The following ABCB9 variants were observed in gnomAD, a reference collection of about 807,000 sequenced individuals.
ABCB9 encodes ABC-type oligopeptide transporter ABCB9.
Under a neutral mutation model 62.0 loss-of-function variants are expected in ABCB9, and 36 were observed. The ratio of observed to expected loss-of-function variants is 0.58; its 90% confidence interval spans 0.45 to 0.77. The LOEUF (loss-of-function observed/expected upper bound fraction) is 0.77, where lower values mean the gene tolerates loss of function less well. Among genes scored for constraint, ABCB9 ranks in the 30% least tolerant of loss-of-function variants. The pLI, the probability that ABCB9 is intolerant of heterozygous loss-of-function variation, is 0.00. For synonymous variants in ABCB9, 435 were observed against 461.4 expected (o/e 0.94, Z 0.73); for missense variants, 943 against 1,054.7 (o/e 0.89, Z 1.47).
intron 11 of ABCB9, among the ~76,000 whole-genome samples, chr12:122,922,421 C>G (rs183180383): frequency 1.4e-4 from 21 of 152,190 alleles, no homozygotes; most frequent in Non-Finnish European, 2.5e-4. Flanking sequence ...ACTCTGTTGC[C>G]CAGGCTGGAG....
chr12:122,944,343 C>T lies in ABCB9; in HGVS notation c.1380+48G>A. The T allele has an allele frequency of 2.5e-6, 4 of 1,572,600 alleles. No homozygotes were observed. Among genetic ancestry groups the T allele is most frequent in the Non-Finnish European group, 2.6e-6 (3 of 1,153,706 alleles). On this transcript the variant is annotated intron_variant, in intron 7 of 11. Coordinates refer to ENST00000280560, the MANE Select transcript of ABCB9 (RefSeq NM_019625.4). The surrounding 1 kb of genome is among the most constrained non-coding windows in gnomAD (Gnocchi z 4.9). ...CCCACCCTGTTAAGATCCCTCTTCC[C>T]CAAACTCCTCCCTTCTCTCTGGATC...
Position 122,944,556 on chromosome 12 carries a change from C to A in ABCB9, c.1252-37G>T, listed in dbSNP as rs1447156642. On this transcript the variant is annotated intron_variant, in intron 6 of 11. Transcript: ENST00000280560. The surrounding 1 kb of genome is among the most constrained non-coding windows in gnomAD (Gnocchi z 4.9). ...GGAGAGGGGATGTGGGTCGAGGGGA[C>A]CTTAGATCCCCCACCATCCCCATTC... is the stretch of plus-strand genomic sequence containing the variant. 1.2e-6 allele frequency: 2 copies of A among 1,607,212 alleles called. No individual in the cohort carries two copies. The highest frequency in any genetic ancestry group is 1.7e-6 in the Non-Finnish European group (2 of 1,176,200).
chr12:122,974,950 T>C, exon 1 of ABCB9: 1 of 268,358 alleles, frequency 3.7e-6, no homozygotes, highest in Non-Finnish European at 7.1e-6. Context: ...GCCTTGGGGC[T>C]CCGAGTCCCT....
At chr12:122,965,165 G>A (rs1261001243) in intron 1 of ABCB9, among the ~76,000 whole-genome samples, 1 of 152,164 alleles carries the variant, frequency 6.6e-6, no homozygotes, top group Non-Finnish European at 1.5e-5. Context: ...AGACAGAAGA[G>A]GTTAAGTGAC....
At chr12:122,931,949 C>T in intron 11 of ABCB9, 1 of 645,932 alleles carries the variant, frequency 1.5e-6, no homozygotes, top group East Asian at 2.9e-5. Context: ...TGACCCAGGT[C>T]TCCCCATTCT....
At position 122,944,648 on chromosome 12, in the gene ABCB9, T is replaced by C. The variant is rs1344661415; in HGVS notation, c.1252-129A>G. The C allele has an allele frequency of 3.8e-6, 5 of 1,325,940 alleles. No homozygotes were observed. In the African/African-American group the frequency reaches 5.8e-5, roughly 15 times the overall value. The allele number at this position is 1,325,940 out of a possible 1,614,324, so 82.1% of individuals were successfully genotyped here. On this transcript the variant is annotated intron_variant, in intron 6 of 11. Transcript: ENST00000280560. The surrounding 1 kb of genome is among the most constrained non-coding windows in gnomAD (Gnocchi z 4.9). ...CAGCCACAAACTGAAATGCCGGCCG[T>C]TGGCAGGGGTGTCTTCCAAGGCTTG... is the stretch of plus-strand genomic sequence containing the variant.
At chr12:122,951,875 T>C (rs2036386107) in intron 2 of ABCB9, 2 of 152,250 alleles carry the variant, frequency 1.3e-5, no homozygotes, top group Non-Finnish European at 2.9e-5. Context: ...CTGGGGGCTC[T>C]TTCTTTTCCC....
In ABCB9 at chr12:122,944,770, G is replaced by A. The variant is rs1594022061; in HGVS notation, c.1252-251C>T. 34 of 424,182 alleles carry A rather than the reference G, an allele frequency of 8.0e-5. 1 individual carries two copies. In the South Asian group the frequency reaches 9.5e-4, roughly 12 times the overall value. The allele number at this position is 424,182 out of a possible 1,614,324, so 26.3% of individuals were successfully genotyped here. On this transcript the variant is annotated intron_variant, in intron 6 of 11. Coordinates refer to ENST00000280560, the MANE Select transcript of ABCB9 (RefSeq NM_019625.4). The surrounding 1 kb of genome is among the most constrained non-coding windows in gnomAD (Gnocchi z 4.9). ...CCACAGAACAAGGCTTTCTTTGTGAGGTCCTGGCACACACATGCCACCCCC... is the reference window on the plus strand; with the variant it reads ...CCACAGAACAAGGCTTTCTTTGTGAAGTCCTGGCACACACATGCCACCCCC...
chr12:122,933,821 T>C lies in ABCB9; in HGVS notation c.1903+1451A>G, dbSNP rs189897509. 2.0e-3 allele frequency among the ~76,000 whole-genome samples: 308 copies of C among 152,322 alleles called. 2 individuals are homozygous for C. The highest frequency in any genetic ancestry group is 6.8e-3 in the Middle Eastern group (2 of 294). On this transcript the variant is annotated intron_variant, in intron 10 of 11. Coordinates refer to ENST00000280560, the MANE Select transcript of ABCB9 (RefSeq NM_019625.4). ...GTACAACGTGATGCTCTGAAATACA[T>C]ATACACTGTGGAATAGCTAAATCAA...
At chr12:122,957,895 C>T (rs1290174243) in intron 2 of ABCB9, among the ~76,000 whole-genome samples, 3 of 151,086 alleles carry the variant, frequency 2.0e-5, no homozygotes, top group East Asian at 3.9e-4. Flanking sequence ...GCAGGTCGGG[C>T]GCAGTGGCTC....
upstream of ABCB9, among the ~76,000 whole-genome samples, chr12:122,967,328 G>A (rs960816290): frequency 1.6e-4 from 24 of 152,214 alleles, no homozygotes; most frequent in Admixed American, 1.3e-4. Context: ...AACATCCTAC[G>A]CTAAGGCCTG....
At chr12:122,975,096 TTC>T (rs1420220310) in exon 1 of ABCB9, 1 of 497,732 alleles carries the variant, frequency 2.0e-6, no homozygotes, top group Non-Finnish European at 3.6e-6. Context: ...AGGAGCATCT[TTC>T]TCCGCAGACC....
At chr12:122,933,449 G>A (rs1366978390) in intron 10 of ABCB9, among the ~76,000 whole-genome samples, 1 of 152,020 alleles carries the variant, frequency 6.6e-6, no homozygotes, top group Non-Finnish European at 1.5e-5. Context: ...AGCTACTCGG[G>A]AGGCCGAGGC....
Position 122,940,552 on chromosome 12 carries a change from C to CT in ABCB9, c.1569+254dup, listed in dbSNP as rs1418975440. ...CAAATGTCACCTCCTCCAAGAACCC[C>CT]TTCTTGACTGTTACCACCATTCCCA... is the stretch of plus-strand genomic sequence containing the variant. On this transcript the variant is annotated intron_variant, in intron 8 of 11. Transcript: ENST00000280560. The surrounding 1 kb of genome is among the most constrained non-coding windows in gnomAD (Gnocchi z 4.8). 6.6e-6 allele frequency among the ~76,000 whole-genome samples: 1 copy of CT among 152,208 alleles called. No homozygotes were observed. The highest frequency in any genetic ancestry group is 2.4e-5 in the African/African-American group (1 of 41,448).
At chr12:122,922,715 A>C (rs978355337) in intron 11 of ABCB9, among the ~76,000 whole-genome samples, 30 of 152,202 alleles carry the variant, frequency 2.0e-4, no homozygotes, top group African/African-American at 6.0e-4. Flanking sequence ...AAGGTATTGC[A>C]TATCTTCATG....
rs34940073 is a variant in ABCB9 at position 122,941,310 on chromosome 12, CT to C, written c.1381-316del. ...TGATCTTTCAATTGCGATAGCATAGCTTTTTTTTTTTTTTTTTAAGATGGAG... is the reference window on the plus strand; with the variant it reads ...TGATCTTTCAATTGCGATAGCATAGCTTTTTTTTTTTTTTTTAAGATGGAG... On this transcript the variant is annotated intron_variant, in intron 7 of 11. Transcript: ENST00000280560. 7.3e-3 allele frequency among the ~76,000 whole-genome samples: 1,014 copies of C among 138,764 alleles called. 3 individuals carry two copies. The highest frequency in any genetic ancestry group is 0.014 in the Admixed American group (191 of 13,666). The allele number at this position is 138,764 out of a possible 152,430, so 91.0% of individuals were successfully genotyped here. A position where few individuals can be genotyped will look rare whatever the true frequency, so the allele number is the denominator to read the frequency against.
At chr12:122,950,024 C>T (rs1356791331) in intron 3 of ABCB9, 106 bp from the exon 4 acceptor site, 1 of 1,489,392 alleles carries the variant, frequency 6.7e-7, no homozygotes, top group African/African-American at 1.4e-5. Context: ...CACCGCAGCC[C>T]CACTCCAGGG....
upstream of ABCB9, among the ~76,000 whole-genome samples, chr12:122,968,219 G>A (rs144472405): frequency 3.0e-3 from 457 of 152,332 alleles, no homozygotes; most frequent in African/African-American, 0.01. Flanking sequence ...ACTTGAAGAC[G>A]ATATCTTGGA....
At chr12:122,949,140 C>T (rs571312819) in intron 4 of ABCB9, 23 of 242,222 alleles carry the variant, frequency 9.5e-5, no homozygotes, top group Non-Finnish European at 1.6e-4. Context: ...CCCATGTCTC[C>T]TCCCTGTCAC....
Sources: gnomAD v4.1 joint callset for allele counts (sites outside exome capture counted in the v4.1 genomes callset) on GRCh38, gnomAD v4.1.1 for gene constraint, Gnocchi (gnomAD v3.1) non-coding constraint, MANE v1.5 for transcripts, NCBI Gene and HGNC (gene_info 2026-07-23, HGNC 2026-07-21) for gene names.